SND1: variants seen among roughly 807,000 people sequenced by gnomAD.
SND1 encodes the protein staphylococcal nuclease domain-containing protein 1.
Under a neutral mutation model 121.7 loss-of-function variants are expected in SND1, and 38 were observed. The ratio of observed to expected loss-of-function variants is 0.31; its 90% confidence interval spans 0.24 to 0.41. The LOEUF is 0.41. Among genes scored for constraint, SND1 ranks in the 10% least tolerant of loss-of-function variants. The pLI is 1.00. For synonymous variants in SND1, 401 were observed against 447.4 expected (o/e 0.90, Z 1.31); for missense variants, 868 against 1,184.6 (o/e 0.73, Z 3.92).
intron 2 of SND1, among the ~76,000 whole-genome samples, chr7:127,691,732 C>T (rs966134107): frequency 6.6e-6 from 1 of 151,294 alleles, no homozygotes; most frequent in African/African-American, 2.4e-5. Context: ...CCTGTCTCAG[C>T]TTCCCAAGTA....
intron 10 of SND1, among the ~76,000 whole-genome samples, chr7:127,785,149 T>C (rs1314699738): frequency 2.0e-5 from 3 of 152,182 alleles, no homozygotes; most frequent in Admixed American, 2.0e-4. Context: ...CCTCAAGTAA[T>C]CCTTCCACCT....
intron 16 of SND1, chr7:128,028,659 A>G: frequency 6.3e-7 from 1 of 1,592,984 alleles, no homozygotes; most frequent in Non-Finnish European, 8.6e-7. Flanking sequence ...GCATTTTATA[A>G]GTTTTTTGGG....
chr7:128,016,837 CATT>C (rs1231192055), intron 16 of SND1, among the ~76,000 whole-genome samples: 1 of 152,168 alleles, frequency 6.6e-6, no homozygotes, highest in Non-Finnish European at 1.5e-5. Flanking sequence ...TTCTTGGATC[CATT>C]ATTTTCTTGT....
intron 16 of SND1, among the ~76,000 whole-genome samples, chr7:128,037,563 G>A (rs923310455): frequency 6.6e-5 from 10 of 152,224 alleles, no homozygotes; most frequent in Non-Finnish European, 8.8e-5. Context: ...TTCAGTCTCA[G>A]TACAGAGCCC....
chr7:128,060,309 C>T (rs1793210042), intron 16 of SND1, among the ~76,000 whole-genome samples: 1 of 152,016 alleles, frequency 6.6e-6, no homozygotes, highest in Non-Finnish European at 1.5e-5. Flanking sequence ...ATGGGTTGGG[C>T]AGCTCACACA....
intron 15 of SND1, among the ~76,000 whole-genome samples, chr7:127,964,220 T>C (rs1801803505): frequency 6.6e-6 from 1 of 151,646 alleles, no homozygotes; most frequent in African/African-American, 2.4e-5. Flanking sequence ...TTCACTCTGA[T>C]GGTAGTTTCT....
intron 10 of SND1, among the ~76,000 whole-genome samples, chr7:127,785,777 G>A (rs567572251): frequency 8.5e-5 from 13 of 152,306 alleles, no homozygotes; most frequent in Admixed American, 1.3e-4. Flanking sequence ...ACAGGATAGT[G>A]TTTAAGGACA....
intron 18 of SND1, 57 bp downstream of exon 18, chr7:128,081,558 G>A: frequency 6.2e-7 from 1 of 1,600,126 alleles, no homozygotes; most frequent in African/African-American, 1.3e-5. Flanking sequence ...GGCGCTGCCT[G>A]GGGGTAGGGG....
intron 11 of SND1, among the ~76,000 whole-genome samples, chr7:127,831,431 G>A (rs1286429661): frequency 1.3e-5 from 2 of 152,200 alleles, no homozygotes; most frequent in Admixed American, 6.5e-5. Context: ...TCCTTGTTAC[G>A]TGACAAGTAG....
chr7:127,699,291 C>G (rs1466291399), intron 4 of SND1, among the ~76,000 whole-genome samples: 5 of 152,178 alleles, frequency 3.3e-5, no homozygotes, highest in African/African-American at 9.7e-5. Flanking sequence ...ATGTGCCAGG[C>G]AGTTTTCTAG....
rs562699572 is a variant in SND1, at chr7:128,092,494, G to A, written c.*436G>A. 3.8e-5 allele frequency: 7 copies of A among 186,648 alleles called. No homozygotes were observed. The highest frequency in any genetic ancestry group is 2.6e-4 in the East Asian group (2 of 7,600). 11.6% of individuals were successfully genotyped at this position (186,648 alleles called of 1,614,324 possible). On this transcript the variant is annotated 3_prime_UTR_variant, in exon 24 of 24. Coordinates refer to ENST00000354725, the MANE Select transcript of SND1 (RefSeq NM_014390.4). This position sits in a 1 kb window ranked among gnomAD's most constrained non-coding sequence, Gnocchi z 4.9. The stretch of plus-strand genomic sequence containing the variant: ...GTTGATTATGTGATTTTTCTGATAC[G>A]TCCATTCTCAAATGCCAGTGTGTTC...
chr7:127,805,812 C>T (rs1271513420), intron 10 of SND1, among the ~76,000 whole-genome samples: 1 of 152,168 alleles, frequency 6.6e-6, no homozygotes, highest in Non-Finnish European at 1.5e-5. Flanking sequence ...GGCAAAGGTT[C>T]GGCCAGATTG....
intron 16 of SND1, among the ~76,000 whole-genome samples, chr7:128,062,527 C>T (rs945977728): frequency 4.6e-5 from 7 of 152,112 alleles, no homozygotes; most frequent in African/African-American, 9.7e-5. Context: ...AATTGTTTGG[C>T]GTTTCTTATA....
chr7:127,742,489 TG>T (rs1302695314), intron 10 of SND1, among the ~76,000 whole-genome samples: 5 of 151,958 alleles, frequency 3.3e-5, no homozygotes. Flanking sequence ...TCGTTTTTCC[TG>T]CAATACTTTT....
At chr7:127,849,059 A>G (rs1584616008) in intron 12 of SND1, among the ~76,000 whole-genome samples, 2 of 152,212 alleles carry the variant, frequency 1.3e-5, no homozygotes, top group Non-Finnish European at 2.9e-5. Context: ...GTTTAAATAA[A>G]AAATAAAAAG....
intron 10 of SND1, among the ~76,000 whole-genome samples, chr7:127,792,656 A>G (rs1221329825): frequency 1.3e-5 from 2 of 152,154 alleles, no homozygotes; most frequent in Non-Finnish European, 2.9e-5. Context: ...GACTGCTGTT[A>G]ACTGATGCTT....
chr7:127,894,849 G>A (rs1030990576), intron 13 of SND1, among the ~76,000 whole-genome samples: 1 of 150,322 alleles, frequency 6.7e-6, no homozygotes, highest in African/African-American at 2.5e-5. Context: ...CTGGCTTCCA[G>A]GCATGGGCGA....
At position 127,887,996 on chromosome 7, in the gene SND1, C is replaced by T; in HGVS notation, c.1438C>T (p.Leu480Phe). The T allele has an allele frequency of 6.2e-7, 1 of 1,610,958 alleles. No individual in the cohort carries two copies. The highest frequency in any genetic ancestry group is 8.5e-7 in the Non-Finnish European group (1 of 1,177,778). ...DQRSSHYDEL[L>F]AAEARAIKNG... ...GAGATCATCACACTACGATGAACTGCTTGCTGCAGAGGCCAGGTAAGACCA... is the reference window on the plus strand; with the variant it reads ...GAGATCATCACACTACGATGAACTGTTTGCTGCAGAGGCCAGGTAAGACCA... The change falls in exon 13 of 24, where the codon CTT (leucine) becomes TTT (phenylalanine). Residue 480 changes from leucine to phenylalanine, a missense_variant. Physicochemically the swap from Leu to Phe is conservative, Grantham distance 22 (BLOSUM62 0). Coordinates refer to ENST00000354725, the MANE Select transcript of SND1 (RefSeq NM_014390.4).
At chr7:128,054,720 C>T (rs1278042612) in intron 16 of SND1, among the ~76,000 whole-genome samples, 1 of 152,316 alleles carries the variant, frequency 6.6e-6, no homozygotes, top group East Asian at 1.9e-4. Flanking sequence ...TTTCTCCCCA[C>T]ACATGAGGCA....
Sources: gnomAD v4.1 joint callset for allele counts (sites outside exome capture counted in the v4.1 genomes callset) on GRCh38, gnomAD v4.1.1 for gene constraint, Gnocchi (gnomAD v3.1) non-coding constraint, MANE v1.5 for transcripts, NCBI Gene and HGNC (gene_info 2026-07-23, HGNC 2026-07-21) for gene names.